Variants in RBFOX1 observed in about 807,000 individuals in gnomAD.
RBFOX1 encodes the protein RNA binding protein fox-1 homolog 1.
In RBFOX1, 8 loss-of-function variants were observed where a neutral mutation model predicts 57.7. The observed-to-expected ratio is 0.14, with a 90% CI of 0.08 to 0.25. The LOEUF (loss-of-function observed/expected upper bound fraction) is 0.25, where lower values mean the gene tolerates loss of function less well. Ranked by LOEUF, RBFOX1 falls within the 10% of genes least tolerant of loss-of-function variation. The pLI, the probability that RBFOX1 is intolerant of heterozygous loss-of-function variation, is 1.00. For missense variants in RBFOX1, 611 were observed against 548.5 expected (o/e 1.11, Z -1.14); for synonymous variants, 326 against 222.4 (o/e 1.47, Z -4.15).
intron 3 of RBFOX1, among the ~76,000 whole-genome samples, chr16:7,042,471 T>C (rs1227035283): frequency 1.3e-5 from 2 of 152,196 alleles, no homozygotes; most frequent in African/African-American, 2.4e-5. Context: ...ACCTGTAAAA[T>C]GGAGCTAAAA....
intron 1 of RBFOX1, among the ~76,000 whole-genome samples, chr16:6,283,267 C>A (rs897595729): frequency 6.6e-6 from 1 of 152,140 alleles, no homozygotes; most frequent in African/African-American, 2.4e-5. Flanking sequence ...GTTGAGCCTA[C>A]AGTGAGCTGT....
At chr16:7,067,429 G>A (rs1407327535) in intron 4 of RBFOX1, among the ~76,000 whole-genome samples, 2 of 151,862 alleles carry the variant, frequency 1.3e-5, no homozygotes, top group African/African-American at 4.8e-5. Context: ...TTCTTTTGGA[G>A]GCTCTAGGAG....
chr16:7,199,451 G>A (rs533218988), intron 4 of RBFOX1, among the ~76,000 whole-genome samples: 74 of 152,260 alleles, frequency 4.9e-4, no homozygotes, highest in African/African-American at 1.7e-3. Flanking sequence ...ATGAATGACT[G>A]AGTGTTTCAG....
intron 1 of RBFOX1, among the ~76,000 whole-genome samples, chr16:6,282,198 C>T (rs536834029): frequency 8.5e-5 from 13 of 152,150 alleles, no homozygotes; most frequent in African/African-American, 2.4e-4. Context: ...TGCGCATAGA[C>T]CAGCATGCTT....
At chr16:6,973,700 G>C (rs2086118247) in intron 3 of RBFOX1, among the ~76,000 whole-genome samples, 2 of 152,116 alleles carry the variant, frequency 1.3e-5, no homozygotes, top group African/African-American at 4.8e-5. Context: ...AAAGTGTGTT[G>C]AATCATGTTT....
intron 4 of RBFOX1, among the ~76,000 whole-genome samples, chr16:7,223,524 T>C (rs981942269): frequency 2.6e-5 from 4 of 152,194 alleles, no homozygotes; most frequent in African/African-American, 9.7e-5. Context: ...GGAAGTTACT[T>C]ATCAGAACTC....
intron 4 of RBFOX1, among the ~76,000 whole-genome samples, chr16:7,345,836 T>C (rs533815548): frequency 1.3e-5 from 2 of 152,358 alleles, no homozygotes; most frequent in South Asian, 4.1e-4. Context: ...TTTGTTTTTA[T>C]TTTTATTATA....
chr16:6,691,550 A>C (rs2060209915), intron 3 of RBFOX1, among the ~76,000 whole-genome samples: 1 of 152,150 alleles, frequency 6.6e-6, no homozygotes, highest in African/African-American at 2.4e-5. Flanking sequence ...TTATCACATT[A>C]CACGCGTTAT....
At chr16:7,047,443 C>G (rs994129084) in intron 3 of RBFOX1, among the ~76,000 whole-genome samples, 1 of 152,052 alleles carries the variant, frequency 6.6e-6, no homozygotes, top group Non-Finnish European at 1.5e-5. Context: ...TTGTTGGGCC[C>G]TTACAAGCAT....
intron 2 of RBFOX1, among the ~76,000 whole-genome samples, chr16:5,587,918 A>C (rs1456920421): frequency 6.6e-6 from 1 of 152,222 alleles, no homozygotes; most frequent in East Asian, 1.9e-4. Flanking sequence ...GAATGCTCAC[A>C]GTAACATTAT....
At position 6,924,261 on chromosome 16, in the gene RBFOX1, T is replaced by G. The variant is rs577551168; in HGVS notation, c.-15-127796T>G. Among the ~76,000 whole-genome samples, 1,367 of 152,246 alleles carry G rather than the reference T, an allele frequency of 9.0e-3. 21 individuals carry two copies. Among genetic ancestry groups the G allele is most frequent in the African/African-American group, 0.031 (1,286 of 41,542 alleles). On this transcript the variant is annotated intron_variant, in intron 3 of 15. Coordinates refer to ENST00000550418, the MANE Select transcript of RBFOX1 (RefSeq NM_018723.4). ...AGGTTTATTTGACTCACAGTTCTGC[T>G]GGCTGTGCAGTTATGGCTCCAGCAT...
At chr16:6,878,368 A>C in intron 3 of RBFOX1, among the ~76,000 whole-genome samples, 1 of 152,314 alleles carries the variant, frequency 6.6e-6, no homozygotes. Context: ...GAAATTTCTT[A>C]TCTCTCTGAT....
chr16:7,163,478 C>T (rs925244236), intron 4 of RBFOX1, among the ~76,000 whole-genome samples: 2 of 152,116 alleles, frequency 1.3e-5, no homozygotes, highest in South Asian at 4.1e-4. Context: ...ACCCTCTGAT[C>T]TGCCCATTCT....
chr16:6,542,532 C>G (rs1270848187), intron 2 of RBFOX1, among the ~76,000 whole-genome samples: 2 of 122,176 alleles, frequency 1.6e-5, no homozygotes, highest in African/African-American at 3.2e-5. Flanking sequence ...CTCTGTCACC[C>G]AGGCTGGAGT....
At chr16:7,406,064 T>G (rs892735581) in intron 4 of RBFOX1, among the ~76,000 whole-genome samples, 6 of 152,086 alleles carry the variant, frequency 3.9e-5, no homozygotes, top group African/African-American at 1.4e-4. Context: ...TTGGCAATAG[T>G]GAAGGGAAGG....
chr16:6,840,592 C>T (rs772283563), intron 3 of RBFOX1, among the ~76,000 whole-genome samples: 4 of 152,056 alleles, frequency 2.6e-5, no homozygotes, highest in South Asian at 2.1e-4. Context: ...TTAGTGCCTT[C>T]ATAAAAAGGC....
intron 3 of RBFOX1, among the ~76,000 whole-genome samples, chr16:5,860,068 A>G (rs60777778): frequency 0.019 from 2,864 of 152,242 alleles, 81 homozygotes; most frequent in African/African-American, 0.053. Flanking sequence ...CCCAGTAGAC[A>G]GTAGTGGACA....
At chr16:7,194,119 G>C (rs976252891) in intron 4 of RBFOX1, among the ~76,000 whole-genome samples, 2 of 152,046 alleles carry the variant, frequency 1.3e-5, no homozygotes, top group Non-Finnish European at 2.9e-5. Context: ...TACCCTATTC[G>C]TGTCAATGAG....
At chr16:6,773,650 G>A (rs1190497970) in intron 3 of RBFOX1, among the ~76,000 whole-genome samples, 7 of 118,940 alleles carry the variant, frequency 5.9e-5, no homozygotes, top group Non-Finnish European at 1.2e-4. Context: ...ATGTGTGGGT[G>A]TGGGGTCTAT....
Sources: gnomAD v4.1 joint callset for allele counts (sites outside exome capture counted in the v4.1 genomes callset) on GRCh38, gnomAD v4.1.1 for gene constraint, MANE v1.5 for transcripts, NCBI Gene and HGNC (gene_info 2026-07-23, HGNC 2026-07-21) for gene names.